GABRG3: variants seen among roughly 807,000 people sequenced by gnomAD.
The protein encoded by GABRG3 is gamma-aminobutyric acid type A receptor subunit gamma3.
GABRG3 carries 25 observed loss-of-function variants against 48.8 expected under a neutral mutation model. The ratio of observed to expected loss-of-function variants is 0.51; its 90% CI spans 0.37 to 0.72. GABRG3 has a LOEUF of 0.72. Ranked by LOEUF, GABRG3 falls within the 30% of genes least tolerant of loss-of-function variation. The pLI, the probability that GABRG3 is intolerant of heterozygous loss-of-function variation, is 0.00. For missense variants in GABRG3, 394 were observed against 577.9 expected, an observed-to-expected ratio of 0.68 and a Z score of 3.26; for synonymous variants, 227 against 217.6, an observed-to-expected ratio of 1.04 and a Z score of -0.38.
chr15:27,177,312 G>A (rs1187548138), intron 3 of GABRG3, among the ~76,000 whole-genome samples: 2 of 152,212 alleles, frequency 1.3e-5, no homozygotes, highest in Non-Finnish European at 2.9e-5. Context: ...TTTTACGATA[G>A]TGTTGTTATC....
chr15:27,443,983 A>G (rs548949240), intron 5 of GABRG3, among the ~76,000 whole-genome samples: 1 of 152,194 alleles, frequency 6.6e-6, no homozygotes, highest in African/African-American at 2.4e-5. Context: ...TTCCTGGGGT[A>G]ATCATTTATT....
At chr15:27,506,200 A>G (rs1372971458) in intron 6 of GABRG3, among the ~76,000 whole-genome samples, 1 of 152,152 alleles carries the variant, frequency 6.6e-6, no homozygotes, top group Non-Finnish European at 1.5e-5. Flanking sequence ...AGGATTTCCC[A>G]CCTGCTACAT....
intron 6 of GABRG3, among the ~76,000 whole-genome samples, chr15:27,504,085 G>T (rs1412857763): frequency 6.6e-6 from 1 of 151,610 alleles, no homozygotes; most frequent in Non-Finnish European, 1.5e-5. Context: ...TTTTCTTATA[G>T]GTAACCTGTA....
intron 3 of GABRG3, among the ~76,000 whole-genome samples, chr15:27,199,911 C>G (rs953260308): frequency 6.6e-6 from 1 of 150,862 alleles, no homozygotes; most frequent in Non-Finnish European, 1.5e-5. Context: ...TTCCCTCTTT[C>G]CCTTCAGCCA....
At chr15:27,199,502 A>G (rs1484972777) in intron 3 of GABRG3, among the ~76,000 whole-genome samples, 1 of 152,102 alleles carries the variant, frequency 6.6e-6, no homozygotes, top group Non-Finnish European at 1.5e-5. Context: ...GGGCCTCGTC[A>G]GAGGTGTTTG....
At chr15:26,979,346 G>C (rs999605464) in intron 2 of GABRG3, among the ~76,000 whole-genome samples, 3 of 151,442 alleles carry the variant, frequency 2.0e-5, no homozygotes, top group African/African-American at 7.3e-5. Context: ...ATTTTTTCTT[G>C]CCTGTTGCAC....
chr15:27,194,332 A>G (rs967819445), intron 3 of GABRG3, among the ~76,000 whole-genome samples: 13 of 152,188 alleles, frequency 8.5e-5, no homozygotes, highest in Non-Finnish European at 1.8e-4. Context: ...TTATATTTTT[A>G]TCCTTACTCT....
chr15:27,452,002 C>T (rs911366802), intron 5 of GABRG3, among the ~76,000 whole-genome samples: 8 of 152,120 alleles, frequency 5.3e-5, no homozygotes, highest in African/African-American at 1.9e-4. Flanking sequence ...TTGTACTATT[C>T]TTATAACTTT....
intron 3 of GABRG3, among the ~76,000 whole-genome samples, chr15:27,089,221 C>G (rs968636566): frequency 6.6e-6 from 1 of 152,104 alleles, no homozygotes; most frequent in Non-Finnish European, 1.5e-5. Flanking sequence ...AGAACGGTGG[C>G]CAAGCATTGG....
chr15:27,438,739 T>C (rs1888693329), intron 5 of GABRG3, among the ~76,000 whole-genome samples: 1 of 152,182 alleles, frequency 6.6e-6, no homozygotes, highest in Non-Finnish European at 1.5e-5. Context: ...AGAGCTACGT[T>C]TTTCTTCAAA....
intron 3 of GABRG3, among the ~76,000 whole-genome samples, chr15:27,245,384 T>C: frequency 6.6e-6 from 1 of 152,250 alleles, no homozygotes; most frequent in East Asian, 1.9e-4. Flanking sequence ...GAATGTCTAG[T>C]ACTTAATTAA....
At chr15:27,524,588 A>G (rs1222219673) in intron 7 of GABRG3, among the ~76,000 whole-genome samples, 1 of 152,152 alleles carries the variant, frequency 6.6e-6, no homozygotes, top group Non-Finnish European at 1.5e-5. Context: ...AATTATATTA[A>G]AATCAAGGAA....
intron 3 of GABRG3, among the ~76,000 whole-genome samples, chr15:27,083,682 A>G: frequency 6.6e-6 from 1 of 152,172 alleles, no homozygotes; most frequent in African/African-American, 2.4e-5. Context: ...GTTATATGCA[A>G]TGGCCAAAAA....
intron 9 of GABRG3, 52 bp from the exon 10 acceptor site, chr15:27,532,548 G>T: frequency 6.4e-7 from 1 of 1,566,430 alleles, no homozygotes; most frequent in Non-Finnish European, 8.7e-7. Context: ...ACACCTCAGG[G>T]TGTTTTTATT....
At chr15:27,353,589 G>A (rs1038588872) in intron 5 of GABRG3, among the ~76,000 whole-genome samples, 4 of 151,940 alleles carry the variant, frequency 2.6e-5, no homozygotes, top group Non-Finnish European at 5.9e-5. Flanking sequence ...GACTACAGGT[G>A]TGCACCACCA....
chr15:27,496,164 G>A (rs1354217157), intron 6 of GABRG3, among the ~76,000 whole-genome samples: 2 of 152,188 alleles, frequency 1.3e-5, no homozygotes, highest in African/African-American at 2.4e-5. Flanking sequence ...TGCCAGGAGC[G>A]CTCATGGCCA....
chr15:27,160,036 G>A (rs556844928), intron 3 of GABRG3, among the ~76,000 whole-genome samples: 1 of 152,218 alleles, frequency 6.6e-6, no homozygotes, highest in South Asian at 2.1e-4. Context: ...TGGCCCACCT[G>A]AACCCCTCAC....
chr15:27,511,198 G>T (rs138109848), intron 6 of GABRG3, among the ~76,000 whole-genome samples: 2 of 152,200 alleles, frequency 1.3e-5, no homozygotes, highest in African/African-American at 2.4e-5. Flanking sequence ...CACCAAAAGC[G>T]CATGGAATTA....
chr15:27,107,112 C>T (rs1207788105), intron 3 of GABRG3, among the ~76,000 whole-genome samples: 1 of 152,044 alleles, frequency 6.6e-6, no homozygotes, highest in Non-Finnish European at 1.5e-5. Flanking sequence ...GAAAAGCTTT[C>T]AATCTCTTAC....
Sources: gnomAD v4.1 joint callset for allele counts (sites outside exome capture counted in the v4.1 genomes callset) on GRCh38, gnomAD v4.1.1 for gene constraint, MANE v1.5 for transcripts, NCBI Gene and HGNC (gene_info 2026-07-23, HGNC 2026-07-21) for gene names.